CPNE8: variants seen among roughly 807,000 people sequenced by gnomAD.
CPNE8 encodes the protein copine 8.
In CPNE8, 45 loss-of-function variants were observed where a neutral mutation model predicts 81.5. That is an observed-to-expected ratio of 0.55 (90% CI 0.44 to 0.71). The LOEUF (loss-of-function observed/expected upper bound fraction) is 0.71, where lower values mean the gene tolerates loss of function less well. Ranked by LOEUF, CPNE8 falls within the 30% of genes least tolerant of loss-of-function variation. CPNE8 has a pLI of 0.00. For synonymous variants in CPNE8, 252 were observed against 226.3 expected (o/e 1.11, Z -1.02); for missense variants, 594 against 672.1 (o/e 0.88, Z 1.28).
At chr12:38,725,917 T>C (rs1429227744) in intron 11 of CPNE8, among the ~76,000 whole-genome samples, 1 of 152,192 alleles carries the variant, frequency 6.6e-6, no homozygotes, top group Non-Finnish European at 1.5e-5. Context: ...CACCAGGGTC[T>C]GGTTTCATGG....
chr12:38,817,784 C>T (rs1314246606), intron 6 of CPNE8, among the ~76,000 whole-genome samples: 2 of 151,734 alleles, frequency 1.3e-5, no homozygotes, highest in African/African-American at 2.4e-5. Context: ...CCGCTACGCC[C>T]GGCTAATTTT....
chr12:38,831,780 G>T lies in CPNE8; in HGVS notation c.331-2325C>A, dbSNP rs926010165. On this transcript the variant is annotated intron_variant, in intron 5 of 19. Coordinates refer to ENST00000331366, the MANE Select transcript of CPNE8 (RefSeq NM_153634.3). Reference sequence around the variant, plus strand: ...CAGCTAGAAAGAACTGAAAACTGAAGATCTGAAATGTATCATTGCTCTTCT... The same window carrying T: ...CAGCTAGAAAGAACTGAAAACTGAATATCTGAAATGTATCATTGCTCTTCT... Among the ~76,000 whole-genome samples the T allele has an allele frequency of 3.3e-5, 5 of 152,070 alleles. 1 individual carries two copies. The highest frequency in any genetic ancestry group is 1.2e-4 in the African/African-American group (5 of 41,394).
chr12:38,713,612 A>T (rs768253015), intron 13 of CPNE8, among the ~76,000 whole-genome samples: 1 of 152,148 alleles, frequency 6.6e-6, no homozygotes, highest in Admixed American at 6.5e-5. Context: ...AATTTTGATA[A>T]GAAATTTGGG....
intron 10 of CPNE8, among the ~76,000 whole-genome samples, chr12:38,758,662 T>C (rs1324963478): frequency 6.6e-6 from 1 of 152,186 alleles, no homozygotes; most frequent in Middle Eastern, 3.2e-3. Flanking sequence ...GTACCTATCA[T>C]TTATTGTGAA....
At chr12:38,764,940 C>G (rs955691043) in intron 8 of CPNE8, among the ~76,000 whole-genome samples, 1 of 152,098 alleles carries the variant, frequency 6.6e-6, no homozygotes, top group African/African-American at 2.4e-5. Flanking sequence ...TTCAGACCAA[C>G]ATGTTCAACT....
chr12:38,865,125 C>T (rs531819320), intron 3 of CPNE8, among the ~76,000 whole-genome samples: 2 of 152,188 alleles, frequency 1.3e-5, no homozygotes, highest in East Asian at 1.9e-4. Context: ...GATATCTTTA[C>T]CCACTAACAA....
At chr12:38,765,509 C>T (rs982734847) in intron 8 of CPNE8, among the ~76,000 whole-genome samples, 3 of 152,012 alleles carry the variant, frequency 2.0e-5, no homozygotes, top group Non-Finnish European at 4.4e-5. Flanking sequence ...GTCTTTCTTA[C>T]GAAATAAGCC....
intron 18 of CPNE8, among the ~76,000 whole-genome samples, chr12:38,672,717 G>A (rs902232475): frequency 6.6e-6 from 1 of 152,068 alleles, no homozygotes; most frequent in African/African-American, 2.4e-5. Flanking sequence ...TATAATAAAG[G>A]TTCTTTTTTA....
intron 14 of CPNE8, 83 bp from the exon 15 acceptor site, chr12:38,693,921 T>C: frequency 8.8e-7 from 1 of 1,134,942 alleles, no homozygotes; most frequent in Non-Finnish European, 1.2e-6. Context: ...TATTTCAGAA[T>C]GAAATATTCA....
chr12:38,684,330 A>G (rs1939482423), intron 16 of CPNE8, among the ~76,000 whole-genome samples: 1 of 152,130 alleles, frequency 6.6e-6, no homozygotes, highest in Admixed American at 6.6e-5. Context: ...AGAGAAGAAC[A>G]GGTGCCATAG....
chr12:38,878,905 T>C (rs1944106834), intron 1 of CPNE8, among the ~76,000 whole-genome samples: 1 of 152,042 alleles, frequency 6.6e-6, no homozygotes, highest in African/African-American at 2.4e-5. Context: ...AACAGCAATA[T>C]AGGATGGTGT....
chr12:38,761,515 G>A (rs1054513315), intron 9 of CPNE8, among the ~76,000 whole-genome samples: 3 of 152,138 alleles, frequency 2.0e-5, no homozygotes. Flanking sequence ...CTTAATAATA[G>A]TTCTATGATA....
chr12:38,686,062 C>G (rs911737390), intron 15 of CPNE8, among the ~76,000 whole-genome samples: 4 of 152,094 alleles, frequency 2.6e-5, no homozygotes, highest in African/African-American at 4.8e-5. Context: ...AACCTATTCT[C>G]TATTTTTCCA....
At chr12:38,858,181 C>T (rs1346204170) in intron 3 of CPNE8, among the ~76,000 whole-genome samples, 3 of 152,206 alleles carry the variant, frequency 2.0e-5, no homozygotes, top group African/African-American at 4.8e-5. Context: ...GTGGTAGAGA[C>T]ATTGTTCCAA....
intron 8 of CPNE8, among the ~76,000 whole-genome samples, chr12:38,766,644 T>C (rs1204876053): frequency 2.0e-5 from 3 of 152,058 alleles, no homozygotes; most frequent in African/African-American, 7.3e-5. Flanking sequence ...TGATACTTAT[T>C]ATATAACAAC....
intron 6 of CPNE8, among the ~76,000 whole-genome samples, chr12:38,803,730 C>A (rs542558282): frequency 2.0e-5 from 3 of 148,930 alleles, no homozygotes; most frequent in Non-Finnish European, 3.0e-5. Context: ...TCCCTGTTTG[C>A]AGACGACATG....
chr12:38,801,010 A>G (rs1299642521), intron 6 of CPNE8, among the ~76,000 whole-genome samples: 2 of 150,598 alleles, frequency 1.3e-5, no homozygotes. Context: ...GACTACGTGA[A>G]AAGACCACAT....
intron 1 of CPNE8, 74 bp downstream of exon 1, chr12:38,905,362 AC>A (rs1944553224): frequency 3.3e-6 from 5 of 1,495,604 alleles, no homozygotes; most frequent in Non-Finnish European, 3.6e-6. Flanking sequence ...GCCTCGTGGT[AC>A]CCCGAGCGCT....
At chr12:38,739,111 C>T (rs977128541) in intron 10 of CPNE8, among the ~76,000 whole-genome samples, 4 of 152,174 alleles carry the variant, frequency 2.6e-5, no homozygotes, top group African/African-American at 4.8e-5. Flanking sequence ...CACGCCCAGC[C>T]TAAAATTACT....
Sources: allele counts gnomAD v4.1 joint callset (sites outside exome capture counted in the v4.1 genomes callset), GRCh38; gene constraint gnomAD v4.1.1; transcripts MANE v1.5; gene names NCBI Gene and HGNC (gene_info 2026-07-23, HGNC 2026-07-21).